The following NOX4 variants were observed in gnomAD, a reference collection of about 807,000 sequenced individuals.
NOX4 encodes NADPH oxidase 4.
In NOX4, 69 loss-of-function variants were observed where a neutral mutation model predicts 87.6. That is an observed-to-expected ratio of 0.79 (90% CI 0.65 to 0.96). The LOEUF is 0.96. Among genes scored for constraint, NOX4 ranks in the 40% least tolerant of loss-of-function variants. The pLI is 0.00. For synonymous variants in NOX4, 275 were observed against 238.2 expected (o/e 1.15, Z -1.42); for missense variants, 680 against 681.5 (o/e 1.00, Z 0.02).
At chr11:89,505,256 A>C in the NOX4 span, among the ~76,000 whole-genome samples, 86 of 152,026 alleles carry the variant, frequency 5.7e-4, no homozygotes, top group African/African-American at 2.1e-3. Flanking sequence ...CACAAAATAC[A>C]TTAAGAGAAT....
intron 2 of NOX4, among the ~76,000 whole-genome samples, chr11:89,476,343 C>T (rs922301016): frequency 2.8e-4 from 42 of 152,118 alleles, no homozygotes; most frequent in African/African-American, 7.7e-4. Flanking sequence ...CTATTATGCG[C>T]AGTTCATAAG....
At chr11:89,465,945 G>A (rs1486871908) in intron 2 of NOX4, among the ~76,000 whole-genome samples, 1 of 151,622 alleles carries the variant, frequency 6.6e-6, no homozygotes, top group Non-Finnish European at 1.5e-5. Context: ...ACTCTGATGG[G>A]ATCTGATTAA....
At chr11:89,463,167 T>C (rs1336292506) in intron 2 of NOX4, among the ~76,000 whole-genome samples, 1 of 151,986 alleles carries the variant, frequency 6.6e-6, no homozygotes, top group African/African-American at 2.4e-5. Flanking sequence ...AATCGTTTAA[T>C]TGAATGCCTG....
At chr11:89,502,425 G>A (rs1591388684), upstream of NOX4, among the ~76,000 whole-genome samples, 1 of 152,000 alleles carries the variant, frequency 6.6e-6, no homozygotes, top group East Asian at 1.9e-4. Context: ...CCCCATTCAT[G>A]AGATTGGAAC....
chr11:89,463,496 CACTG>C (rs1167600771), intron 2 of NOX4, among the ~76,000 whole-genome samples: 8 of 152,098 alleles, frequency 5.3e-5, no homozygotes, highest in Non-Finnish European at 7.4e-5. Flanking sequence ...ATTTTAATGA[CACTG>C]ACTAAGAATA....
At chr11:89,584,732 C>T in the NOX4 span, among the ~76,000 whole-genome samples, 7 of 152,148 alleles carry the variant, frequency 4.6e-5, no homozygotes, top group East Asian at 7.7e-4. Context: ...CATTGAAATT[C>T]CCCCATCTAG....
intron 8 of NOX4, among the ~76,000 whole-genome samples, chr11:89,407,993 T>C (rs1307323409): frequency 1.3e-5 from 2 of 151,870 alleles, no homozygotes; most frequent in African/African-American, 2.4e-5. Context: ...ATGATTTTTT[T>C]TCTTTATGGT....
In NOX4 at chr11:89,444,398, A is replaced by G. The variant is rs572229309; in HGVS notation, c.350-166T>C. Among the ~76,000 whole-genome samples the G allele has an allele frequency of 2.6e-5, 4 of 152,020 alleles. No homozygotes were observed. In the South Asian group the frequency reaches 8.3e-4, roughly 32 times the overall value. Reference sequence around the variant, plus strand: ...AAGTTTTAAAGACACAAAAAACTGAACTATAGACAGTTTACCAAATTTTCA... The same window carrying G: ...AAGTTTTAAAGACACAAAAAACTGAGCTATAGACAGTTTACCAAATTTTCA... On this transcript the variant is annotated intron_variant, in intron 4 of 17. Transcript: ENST00000263317.
At chr11:89,585,506 T>C in the NOX4 span, among the ~76,000 whole-genome samples, 1 of 152,278 alleles carries the variant, frequency 6.6e-6, no homozygotes, top group South Asian at 2.1e-4. Context: ...ATTTTAGGCT[T>C]CATGGGCCAT....
intron 2 of NOX4, among the ~76,000 whole-genome samples, chr11:89,467,103 C>T (rs1057134433): frequency 1.3e-5 from 2 of 152,110 alleles, no homozygotes; most frequent in Middle Eastern, 3.4e-3. Flanking sequence ...AATCCCAGCA[C>T]TTTGGGAGGC....
chr11:89,521,577 C>G, the NOX4 span, among the ~76,000 whole-genome samples: 6 of 151,932 alleles, frequency 3.9e-5, no homozygotes, highest in African/African-American at 1.4e-4. Context: ...TATAAGAATC[C>G]TAGAAGAAAA....
intron 7 of NOX4, among the ~76,000 whole-genome samples, chr11:89,431,794 G>C (rs575735914): frequency 6.6e-6 from 1 of 152,142 alleles, no homozygotes; most frequent in Admixed American, 6.5e-5. Context: ...ACAGTGTGGC[G>C]ATTCCTCAGG....
At chr11:89,387,660 A>G (rs1200459528) in intron 11 of NOX4, among the ~76,000 whole-genome samples, 3 of 152,190 alleles carry the variant, frequency 2.0e-5, no homozygotes, top group African/African-American at 7.2e-5. Flanking sequence ...CATTATTTCC[A>G]TAATTGAGAA....
At chr11:89,455,357 C>T (rs1393244134) in intron 2 of NOX4, among the ~76,000 whole-genome samples, 1 of 152,004 alleles carries the variant, frequency 6.6e-6, no homozygotes, top group Non-Finnish European at 1.5e-5. Flanking sequence ...TTATAACTTC[C>T]TCTCAACTCT....
At chr11:89,358,475 G>GTC (rs1283071549) in intron 12 of NOX4, among the ~76,000 whole-genome samples, 1 of 149,198 alleles carries the variant, frequency 6.7e-6, no homozygotes, top group Non-Finnish European at 1.5e-5. Context: ...TTAAAAGCAT[G>GTC]TCTTTTAAAA....
chr11:89,570,895 C>A, the NOX4 span, among the ~76,000 whole-genome samples: 1 of 152,190 alleles, frequency 6.6e-6, no homozygotes, highest in African/African-American at 2.4e-5. Flanking sequence ...ACATGCCACA[C>A]CCTATGGGAA....
chr11:89,416,658 C>G (rs940868262), intron 8 of NOX4, among the ~76,000 whole-genome samples: 3 of 152,166 alleles, frequency 2.0e-5, no homozygotes, highest in Admixed American at 2.0e-4. Flanking sequence ...CCCTGTTAAA[C>G]TATCCGCCTA....
chr11:89,332,919 A>C (rs1342280136), intron 17 of NOX4, among the ~76,000 whole-genome samples: 1 of 151,886 alleles, frequency 6.6e-6, no homozygotes, highest in Non-Finnish European at 1.5e-5. Context: ...CTGAATTTAA[A>C]AAAAGCAACA....
At chr11:89,559,377 C>G in the NOX4 span, among the ~76,000 whole-genome samples, 1 of 151,982 alleles carries the variant, frequency 6.6e-6, no homozygotes, top group African/African-American at 2.4e-5. Context: ...AAAGGAAGTA[C>G]GAGAATTAAC....
Sources: gnomAD v4.1 joint callset for allele counts (sites outside exome capture counted in the v4.1 genomes callset) on GRCh38, gnomAD v4.1.1 for gene constraint, MANE v1.5 for transcripts, NCBI Gene and HGNC (gene_info 2026-07-23, HGNC 2026-07-21) for gene names.